The following TM9SF3 variants were observed in gnomAD, a reference collection of about 807,000 sequenced individuals.
TM9SF3 encodes the protein SM-11044-binding protein.
A neutral mutation model predicts 78.6 loss-of-function variants in TM9SF3; 14 were observed. The ratio of observed to expected loss-of-function variants is 0.18; its 90% CI spans 0.12 to 0.28. The LOEUF (loss-of-function observed/expected upper bound fraction) is 0.28, where lower values mean the gene tolerates loss of function less well. Ranked by LOEUF, TM9SF3 falls within the 10% of genes least tolerant of loss-of-function variation. The pLI, the probability that TM9SF3 is intolerant of heterozygous loss-of-function variation, is 1.00. For missense variants in TM9SF3, 496 were observed against 721.9 expected, an observed-to-expected ratio of 0.69 and a Z score of 3.59; for synonymous variants, 231 against 241.7, an observed-to-expected ratio of 0.96 and a Z score of 0.41.
intron 1 of TM9SF3, among the ~76,000 whole-genome samples, chr10:96,580,838 G>A (rs755710732): frequency 1.3e-5 from 2 of 151,926 alleles, no homozygotes; most frequent in African/African-American, 2.4e-5. Context: ...CTATAAAATA[G>A]GTCCTATTAC....
intron 2 of TM9SF3, 102 bp from the exon 3 acceptor site, chr10:96,565,528 T>C (rs1848357572): frequency 2.2e-6 from 3 of 1,349,060 alleles, no homozygotes; most frequent in Non-Finnish European, 3.0e-6. Context: ...ACAGTTAAAA[T>C]TTCTATTCAC....
At chr10:96,551,854 G>A (rs1012587882) in intron 6 of TM9SF3, among the ~76,000 whole-genome samples, 1 of 152,070 alleles carries the variant, frequency 6.6e-6, no homozygotes, top group Non-Finnish European at 1.5e-5. Context: ...GTCCTTTAGC[G>A]CCTAGAATCT....
rs370197060 is a variant in TM9SF3 at position 96,549,816 on chromosome 10, T to TAAA, written c.959+1428_959+1429insTTT. ...CTTTAAGTAGAAGAGCTTCTGCATTTTAAAAAAAAAAAAAAAAAAAGAGCT... is the reference window on the plus strand; with the variant it reads ...CTTTAAGTAGAAGAGCTTCTGCATTTAAATAAAAAAAAAAAAAAAAAAAGAGCT... On this transcript the variant is annotated intron_variant, in intron 7 of 14. Transcript: ENST00000371142. Among the ~76,000 whole-genome samples, 375 of 121,770 alleles carry TAAA rather than the reference T, an allele frequency of 3.1e-3. 16 individuals carry two copies. Among genetic ancestry groups the TAAA allele is most frequent in the South Asian group, 5.7e-3 (23 of 4,002 alleles). The allele number at this position is 121,770 out of a possible 152,430, so 79.9% of individuals were successfully genotyped here. A position where few individuals can be genotyped will look rare whatever the true frequency, so the allele number is the denominator to read the frequency against.
intron 9 of TM9SF3, among the ~76,000 whole-genome samples, chr10:96,536,312 G>T (rs1210108199): frequency 2.0e-5 from 3 of 152,052 alleles, no homozygotes; most frequent in Non-Finnish European, 2.9e-5. Flanking sequence ...TTTAGCCAGT[G>T]CAATCAGACA....
chr10:96,534,992 C>A (rs1009074253), intron 9 of TM9SF3, among the ~76,000 whole-genome samples: 1 of 152,150 alleles, frequency 6.6e-6, no homozygotes, highest in Non-Finnish European at 1.5e-5. Flanking sequence ...TTAAGGCCTG[C>A]ACATATTTGT....
rs79390078 is a variant in TM9SF3, at chr10:96,545,407, G to A, written c.1055-1201C>T. On this transcript the variant is annotated intron_variant, in intron 8 of 14. Coordinates refer to ENST00000371142, the MANE Select transcript of TM9SF3 (RefSeq NM_020123.4). ...CTCCAGAAAAACTCCTTAATCCTGA[G>A]TTTTCTCTCCTGTTTCATTTCTTTT... Among the ~76,000 whole-genome samples, 190 of 152,262 alleles carry A rather than the reference G, an allele frequency of 1.2e-3. 1 individual carries two copies. The highest frequency in any genetic ancestry group is 2.4e-3 in the Non-Finnish European group (163 of 68,038).
intron 3 of TM9SF3, among the ~76,000 whole-genome samples, chr10:96,563,542 A>G (rs932361661): frequency 6.6e-6 from 1 of 152,024 alleles, no homozygotes; most frequent in Admixed American, 6.5e-5. Context: ...TGCACAGCTA[A>G]ATTTTTTGTA....
At chr10:96,540,769 C>CTTTTT (rs68126103) in intron 9 of TM9SF3, among the ~76,000 whole-genome samples, 1,978 of 51,478 alleles carry the variant, frequency 0.038, 79 homozygotes, top group African/African-American at 0.059. Context: ...TATTACCTTT[C>CTTTTT]TTTTTTTTTT....
At chr10:96,548,383 A>G (rs1481645733) in intron 7 of TM9SF3, among the ~76,000 whole-genome samples, 1 of 152,258 alleles carries the variant, frequency 6.6e-6, no homozygotes, top group East Asian at 1.9e-4. Flanking sequence ...TCATAACTTG[A>G]TTCAACTGCT....
chr10:96,522,355 T>G, intron 14 of TM9SF3, 25 bp from the exon 15 acceptor site: 1 of 1,542,100 alleles, frequency 6.5e-7, no homozygotes, highest in Non-Finnish European at 8.7e-7. Flanking sequence ...TAAGATGTTT[T>G]GAAACAAATA....
Position 96,530,518 on chromosome 10 carries a change from T to C in TM9SF3, c.1394+22A>G. The stretch of plus-strand genomic sequence containing the variant: ...TACTATAATCAAATCCCTCAAAACA[T>C]AAATACATTATCAAAACTTACATTT... On this transcript the variant is annotated intron_variant, in intron 11 of 14. Transcript: ENST00000371142. 2.5e-6 allele frequency: 4 copies of C among 1,592,224 alleles called. No individual in the cohort carries two copies. In the South Asian group the frequency reaches 4.5e-5, roughly 18 times the overall value.
rs141524243 is a variant in TM9SF3, at chr10:96,541,511, G to A, written c.1185+2565C>T. Among the ~76,000 whole-genome samples, 1,207 of 152,218 alleles carry A rather than the reference G, an allele frequency of 7.9e-3. 20 individuals carry two copies. Among genetic ancestry groups the A allele is most frequent in the African/African-American group, 0.028 (1,156 of 41,538 alleles). Reference sequence around the variant, plus strand: ...CGATTCTCCTGCCTCAGCCTCCCGAGTAGCTGGGATTACAGGCCTGCACTA... The same window carrying A: ...CGATTCTCCTGCCTCAGCCTCCCGAATAGCTGGGATTACAGGCCTGCACTA... On this transcript the variant is annotated intron_variant, in intron 9 of 14. Coordinates refer to ENST00000371142, the MANE Select transcript of TM9SF3 (RefSeq NM_020123.4).
chr10:96,582,943 G>A (rs945094007), intron 1 of TM9SF3, among the ~76,000 whole-genome samples: 4 of 151,826 alleles, frequency 2.6e-5, no homozygotes, highest in Admixed American at 6.6e-5. Context: ...AGTCAGGCAC[G>A]GTAGCACATG....
chr10:96,534,994 C>T (rs931802140), intron 9 of TM9SF3, among the ~76,000 whole-genome samples: 6 of 152,142 alleles, frequency 3.9e-5, no homozygotes, highest in African/African-American at 1.2e-4. Context: ...AAGGCCTGCA[C>T]ATATTTGTTC....
chr10:96,545,876 C>T (rs563573253), intron 8 of TM9SF3, among the ~76,000 whole-genome samples: 3 of 146,788 alleles, frequency 2.0e-5, no homozygotes, highest in Non-Finnish European at 4.5e-5. Flanking sequence ...GAGACAAGAG[C>T]GAAACTCCAT....
intron 1 of TM9SF3, chr10:96,577,397 G>C (rs2134160535): frequency 6.6e-6 from 1 of 152,278 alleles, no homozygotes; most frequent in South Asian, 2.1e-4. Context: ...ATTCTATCTT[G>C]TTAGCAGCCT....
Position 96,551,421 on chromosome 10 carries a change from AATAT to A in TM9SF3, c.793-14_793-11del, listed in dbSNP as rs199677938. The stretch of plus-strand genomic sequence containing the variant: ...CTCCTAGGTCTCTATCCTATATACA[AATAT>A]ATATATAGAGAGAGAAAAGCAAATC... On this transcript the variant is annotated splice_polypyrimidine_tract_variant and intron_variant, in intron 6 of 14. Transcript: ENST00000371142. 2.2e-5 allele frequency: 34 copies of A among 1,516,100 alleles called. No individual in the cohort carries two copies. Among genetic ancestry groups the A allele is most frequent in the Non-Finnish European group, 2.9e-5 (33 of 1,123,614 alleles). The allele number at this position is 1,516,100 out of a possible 1,614,324, so 93.9% of individuals were successfully genotyped here. A position where few individuals can be genotyped will look rare whatever the true frequency, so the allele number is the denominator to read the frequency against.
intron 5 of TM9SF3, among the ~76,000 whole-genome samples, chr10:96,557,493 T>C (rs1157062339): frequency 1.0e-5 from 1 of 98,076 alleles, no homozygotes; most frequent in Non-Finnish European, 2.1e-5. Context: ...CATAATAATT[T>C]GATCCTTTAA....
Position 96,547,954 on chromosome 10 carries a change from T to G in TM9SF3, c.995A>C (p.Tyr332Ser). Residue 332 changes from tyrosine (Y) to serine (S), a missense_variant, in exon 8 of 15, where the codon TAT (tyrosine) becomes TCT (serine). Coordinates refer to ENST00000371142, the MANE Select transcript of TM9SF3 (RefSeq NM_020123.4). ...GSMLSTAIFV[Y>S]AATSPVNGYF... ...ACCATTCACTGGAGACGTAGCAGCA[T>G]AGACAAATATGGCTGTACTGAGCAT... is the stretch of plus-strand genomic sequence containing the variant. 6.2e-7 allele frequency: 1 copy of G among 1,613,530 alleles called. No homozygotes were observed. Among genetic ancestry groups the G allele is most frequent in the Non-Finnish European group, 8.5e-7 (1 of 1,179,828 alleles).
Sources: gnomAD v4.1 joint callset for allele counts (sites outside exome capture counted in the v4.1 genomes callset) on GRCh38, gnomAD v4.1.1 for gene constraint, MANE v1.5 for transcripts, NCBI Gene and HGNC (gene_info 2026-07-23, HGNC 2026-07-21) for gene names.